The following ROBO1 variants were observed in gnomAD, a reference collection of about 807,000 sequenced individuals.
ROBO1 encodes the protein roundabout guidance receptor 1, also known as roundabout homolog 1.
Under a neutral mutation model 195.9 loss-of-function variants are expected in ROBO1, and 149 were observed. The ratio of observed to expected loss-of-function variants is 0.76; its 90% CI spans 0.67 to 0.87. The LOEUF (loss-of-function observed/expected upper bound fraction) is 0.87, where lower values mean the gene tolerates loss of function less well. Among genes scored for constraint, ROBO1 ranks in the 40% least tolerant of loss-of-function variants. The pLI is 0.00. For synonymous variants in ROBO1, 816 were observed against 733.2 expected (o/e 1.11, Z -1.82); for missense variants, 1,933 against 2,068.3 (o/e 0.93, Z 1.27).
intron 1 of ROBO1, among the ~76,000 whole-genome samples, chr3:79,606,897 CTG>C (rs1363638037): frequency 6.6e-6 from 1 of 151,784 alleles, no homozygotes; most frequent in Admixed American, 6.6e-5. Context: ...GCTTTACTAA[CTG>C]TACTTTATTT....
chr3:79,349,781 G>A (rs1379906411), intron 2 of ROBO1, among the ~76,000 whole-genome samples: 1 of 152,272 alleles, frequency 6.6e-6, no homozygotes, highest in Non-Finnish European at 1.5e-5. Context: ...CTGGGCTCTT[G>A]TTTCACACCG....
intron 4 of ROBO1, among the ~76,000 whole-genome samples, chr3:78,885,788 G>A (rs2036524073): frequency 6.6e-6 from 1 of 151,030 alleles, no homozygotes; most frequent in Admixed American, 6.6e-5. Flanking sequence ...CAGCCTGACT[G>A]TAAATCCTAC....
intron 2 of ROBO1, among the ~76,000 whole-genome samples, chr3:79,472,400 AT>A: frequency 6.6e-6 from 1 of 152,110 alleles, no homozygotes; most frequent in South Asian, 2.1e-4. Context: ...ATATCCAATA[AT>A]AAATATGACT....
At chr3:79,581,094 T>C (rs1482438983) in intron 2 of ROBO1, among the ~76,000 whole-genome samples, 1 of 152,170 alleles carries the variant, frequency 6.6e-6, no homozygotes, top group Non-Finnish European at 1.5e-5. Flanking sequence ...AATGAAGTAA[T>C]GACAGTGTCT....
At chr3:79,201,807 T>C (rs1289953778) in intron 2 of ROBO1, among the ~76,000 whole-genome samples, 1 of 151,604 alleles carries the variant, frequency 6.6e-6, no homozygotes, top group Non-Finnish European at 1.5e-5. Context: ...CTAATAAATA[T>C]TCACATACTA....
At chr3:79,452,698 T>C (rs2039484217) in intron 2 of ROBO1, among the ~76,000 whole-genome samples, 1 of 152,150 alleles carries the variant, frequency 6.6e-6, no homozygotes, top group Admixed American at 6.6e-5. Context: ...AGATTTTATA[T>C]ACCTGAAGAG....
chr3:78,926,955 G>A (rs2039256031), intron 4 of ROBO1, among the ~76,000 whole-genome samples: 1 of 151,994 alleles, frequency 6.6e-6, no homozygotes. Flanking sequence ...GATATAGCTG[G>A]GTGCCATGAA....
chr3:78,756,628 C>G (rs1358716233), intron 4 of ROBO1, among the ~76,000 whole-genome samples: 1 of 152,028 alleles, frequency 6.6e-6, no homozygotes, highest in Non-Finnish European at 1.5e-5. Context: ...CAGAATTTTT[C>G]TCTCTCCTTT....
chr3:79,212,054 G>C (rs1007814052), intron 2 of ROBO1, among the ~76,000 whole-genome samples: 2 of 152,226 alleles, frequency 1.3e-5, no homozygotes, highest in Non-Finnish European at 2.9e-5. Context: ...GTTATCCACA[G>C]CAGGAGCATG....
At chr3:78,733,365 T>G (rs951942018) in intron 5 of ROBO1, among the ~76,000 whole-genome samples, 1 of 152,126 alleles carries the variant, frequency 6.6e-6, no homozygotes, top group Non-Finnish European at 1.5e-5. Flanking sequence ...TACAATATCT[T>G]GTAAAATCAA....
chr3:79,292,657 T>C (rs948380763), intron 2 of ROBO1, among the ~76,000 whole-genome samples: 4 of 152,264 alleles, frequency 2.6e-5, no homozygotes, highest in African/African-American at 4.8e-5. Context: ...CCTTTGGTTC[T>C]GTTTACATTA....
At chr3:79,490,391 G>C (rs1939390838) in intron 2 of ROBO1, among the ~76,000 whole-genome samples, 1 of 152,064 alleles carries the variant, frequency 6.6e-6, no homozygotes, top group South Asian at 2.1e-4. Context: ...CTTCATCTTT[G>C]TATAAGAAAC....
intron 2 of ROBO1, among the ~76,000 whole-genome samples, chr3:79,496,951 T>C (rs1939781635): frequency 6.6e-6 from 1 of 152,224 alleles, no homozygotes; most frequent in Non-Finnish European, 1.5e-5. Context: ...CTTTGCTCTC[T>C]TAAGAAAAAG....
chr3:78,897,748 C>A (rs1325505396), intron 4 of ROBO1, among the ~76,000 whole-genome samples: 1 of 151,836 alleles, frequency 6.6e-6, no homozygotes, highest in African/African-American at 2.4e-5. Flanking sequence ...TCATAATTCC[C>A]ACATATCTAA....
intron 8 of ROBO1, among the ~76,000 whole-genome samples, chr3:78,703,830 TA>T (rs2107959869): frequency 6.6e-6 from 1 of 152,008 alleles, no homozygotes; most frequent in Admixed American, 6.6e-5. Context: ...CACACATATA[TA>T]TATATAAAAT....
chr3:79,293,341 A>G (rs1483883842), intron 2 of ROBO1, among the ~76,000 whole-genome samples: 1 of 152,064 alleles, frequency 6.6e-6, no homozygotes. Context: ...CTACTGATTC[A>G]TTGATTTTTT....
At chr3:79,445,476 A>G (rs2039213270) in intron 2 of ROBO1, among the ~76,000 whole-genome samples, 1 of 141,286 alleles carries the variant, frequency 7.1e-6, no homozygotes, top group African/African-American at 2.7e-5. Context: ...AACAATACAG[A>G]AATTGTTTTT....
intron 5 of ROBO1, among the ~76,000 whole-genome samples, chr3:78,723,738 C>G (rs1048493985): frequency 4.3e-4 from 65 of 152,200 alleles, no homozygotes; most frequent in African/African-American, 1.5e-3. Flanking sequence ...AAGGAATTAT[C>G]TGACTCAAAC....
chr3:79,608,579 C>T lies in ROBO1; in HGVS notation c.-50-18618G>A, dbSNP rs1004633243. Among the ~76,000 whole-genome samples the T allele has an allele frequency of 3.3e-5, 5 of 152,016 alleles. No homozygotes were observed. In the East Asian group the frequency reaches 9.7e-4, roughly 30 times the overall value. ...GTGGGTTAAAAGGAATAAGCAATTC[C>T]TAAGATGATACCTGCTCAAATAGAC... On this transcript the variant is annotated intron_variant, in intron 1 of 30. Coordinates refer to ENST00000464233, the MANE Select transcript of ROBO1 (RefSeq NM_002941.4).
Sources: allele counts gnomAD v4.1 joint callset (sites outside exome capture counted in the v4.1 genomes callset), GRCh38; gene constraint gnomAD v4.1.1; transcripts MANE v1.5; gene names NCBI Gene and HGNC (gene_info 2026-07-23, HGNC 2026-07-21).